TM9SF3: variants seen among roughly 807,000 people sequenced by gnomAD.
TM9SF3 encodes the protein SM-11044-binding protein.
Under a neutral mutation model 78.6 loss-of-function variants are expected in TM9SF3, and 14 were observed. That is an observed-to-expected ratio of 0.18 (90% CI 0.12 to 0.28). TM9SF3 has a LOEUF of 0.28. Ranked by LOEUF, TM9SF3 falls within the 10% of genes least tolerant of loss-of-function variation. TM9SF3 has a pLI of 1.00. For synonymous variants in TM9SF3, 231 were observed against 241.7 expected (o/e 0.96, Z 0.41); for missense variants, 496 against 721.9 (o/e 0.69, Z 3.59).
At chr10:96,545,935 C>G (rs1427482171) in intron 8 of TM9SF3, among the ~76,000 whole-genome samples, 1 of 152,138 alleles carries the variant, frequency 6.6e-6, no homozygotes, top group Non-Finnish European at 1.5e-5. Flanking sequence ...CCTTATCCAA[C>G]TCTCTATTTC....
In TM9SF3 at chr10:96,553,020, T is replaced by C; in HGVS notation, c.700A>G (p.Ile234Val). Residue 234 changes from isoleucine to valine, a missense_variant, in exon 6 of 15, where the codon ATC (isoleucine) becomes GTC (valine). Around this residue, in one of 4 missense-constraint regions of TM9SF3, gnomAD observed 3 missense variants for 24.8 expected, o/e 0.12. Coordinates refer to ENST00000371142, the MANE Select transcript of TM9SF3 (RefSeq NM_020123.4). ...ATTGAAACTAAGCCCACCAAGAAGA[T>C]CACCATCATGAAGGAGTTGAAAATT... is the stretch of plus-strand genomic sequence containing the variant. ...FSIFNSFMMV[I>V]FLVGLVSMIL... is the part of the protein sequence containing the mutation. 6.2e-7 allele frequency: 1 copy of C among 1,604,634 alleles called. No individual in the cohort carries two copies. Among genetic ancestry groups the C allele is most frequent in the Non-Finnish European group, 8.5e-7 (1 of 1,177,236 alleles).
At position 96,561,999 on chromosome 10, in the gene TM9SF3, A is replaced by G. The variant is rs777916220; in HGVS notation, c.561T>C (p.Thr187=). ...TTACTGAATATGACATCTGGATTTTAGTATTTGGAACCAGTTTCACCTTTC... is the reference window on the plus strand; with the variant it reads ...TTACTGAATATGACATCTGGATTTTGGTATTTGGAACCAGTTTCACCTTTC... ...SEGKVKLVPN[T]KIQMSYSVKW... The change falls in exon 4 of 15, where the codon ACT becomes ACC. Residue 187 remains threonine (T), a synonymous_variant. Coordinates refer to ENST00000371142, the MANE Select transcript of TM9SF3 (RefSeq NM_020123.4). 1.9e-6 allele frequency: 3 copies of G among 1,611,508 alleles called. No homozygotes were observed. In the African/African-American group the frequency reaches 4.0e-5, roughly 22 times the overall value.
chr10:96,559,807 G>T, intron 4 of TM9SF3, 71 bp from the exon 5 acceptor site: 1 of 839,198 alleles, frequency 1.2e-6, no homozygotes, highest in Non-Finnish European at 1.8e-6. Flanking sequence ...AAAACTCTGA[G>T]CAAAATATAG....
intron 2 of TM9SF3, among the ~76,000 whole-genome samples, chr10:96,569,388 C>A (rs979160517): frequency 6.6e-5 from 10 of 152,102 alleles, no homozygotes; most frequent in Non-Finnish European, 1.0e-4. Flanking sequence ...CCAGAGCCTA[C>A]CATCGTGCTG....
Position 96,575,071 on chromosome 10 carries a change from A to T in TM9SF3, c.298+1563T>A, listed in dbSNP as rs546573416. ...CAAGTACCCCAGATCTTAAAGTATTAAAAAAAAAAAAGATTGCTGAATTAA... is the reference window on the plus strand; with the variant it reads ...CAAGTACCCCAGATCTTAAAGTATTTAAAAAAAAAAAGATTGCTGAATTAA... On this transcript the variant is annotated intron_variant, in intron 2 of 14. Coordinates refer to ENST00000371142, the MANE Select transcript of TM9SF3 (RefSeq NM_020123.4). Among the ~76,000 whole-genome samples, 42 of 138,678 alleles carry T rather than the reference A, an allele frequency of 3.0e-4. No homozygotes were observed. In the South Asian group the frequency reaches 8.7e-3, roughly 29 times the overall value. The allele number at this position is 138,678 out of a possible 152,430, so 91.0% of individuals were successfully genotyped here.
rs1847738135 is a variant in TM9SF3 at position 96,519,542 on chromosome 10, G to A, written c.*2721C>T. On this transcript the variant is annotated 3_prime_UTR_variant, in exon 15 of 15. Coordinates refer to ENST00000371142, the MANE Select transcript of TM9SF3 (RefSeq NM_020123.4). ...CTACTAATGTAGTTAAATTTCAGGA[G>A]AAGCATGCTTAAAGATACACAAGGA... 1 of 151,940 alleles carries A rather than the reference G, an allele frequency of 6.6e-6. No individual in the cohort carries two copies. The highest frequency in any genetic ancestry group is 1.5e-5 in the Non-Finnish European group (1 of 67,834). The allele number at this position is 151,940 out of a possible 1,614,324, so 9.4% of individuals were successfully genotyped here.
chr10:96,528,879 GACCTC>G (rs1368033299), intron 11 of TM9SF3, among the ~76,000 whole-genome samples: 1 of 152,074 alleles, frequency 6.6e-6, no homozygotes, highest in African/African-American at 2.4e-5. Flanking sequence ...ATGGTGTTGG[GACCTC>G]ACCTCAATTA....
chr10:96,530,726 A>G (rs1847885052), intron 10 of TM9SF3, 118 bp from the exon 11 acceptor site: 2 of 930,928 alleles, frequency 2.1e-6, no homozygotes, highest in African/African-American at 3.4e-5. Context: ...ATAGAAACAA[A>G]CCAGTAAAAT....
At position 96,576,690 on chromosome 10, in the gene TM9SF3, C is replaced by T; in HGVS notation, c.242G>A (p.Gly81Glu). The change falls in exon 2 of 15, where the codon GGA becomes GAA. Residue 81 changes from glycine (G) to glutamate (E), a missense_variant. By Grantham distance (98) the Gly-to-Glu change is moderately conservative. Around this residue, in one of 4 missense-constraint regions of TM9SF3, gnomAD observed 155 missense variants for 241.6 expected, o/e 0.64. Transcript: ENST00000371142. ...KSISHYHETL[G>E]EALQGVELEF... ...CAATTCAACCCCTTGAAGTGCTTCT[C>T]CCAGAGTTTCATGGTAATGACTGAT... is the stretch of plus-strand genomic sequence containing the variant. 1 of 1,609,824 alleles carries T rather than the reference C, an allele frequency of 6.2e-7. No individual in the cohort carries two copies. The highest frequency in any genetic ancestry group is 8.5e-7 in the Non-Finnish European group (1 of 1,178,510).
intron 8 of TM9SF3, among the ~76,000 whole-genome samples, chr10:96,544,825 CA>C (rs946344748): frequency 5.5e-5 from 8 of 144,434 alleles, no homozygotes; most frequent in East Asian, 2.0e-4. Flanking sequence ...TAAGACAGGG[CA>C]AAAAAAAAAT....
chr10:96,541,074 A>C (rs1411915048), intron 9 of TM9SF3, among the ~76,000 whole-genome samples: 1 of 151,654 alleles, frequency 6.6e-6, no homozygotes, highest in Non-Finnish European at 1.5e-5. Flanking sequence ...AGTTTTACAA[A>C]TCTTTCAAGA....
intron 2 of TM9SF3, among the ~76,000 whole-genome samples, chr10:96,570,610 C>A (rs992828926): frequency 9.9e-5 from 15 of 152,170 alleles, no homozygotes; most frequent in African/African-American, 3.6e-4. Context: ...ACCAAGTTCC[C>A]AGACTTCCAC....
chr10:96,574,460 T>C (rs1044882383), intron 2 of TM9SF3, among the ~76,000 whole-genome samples: 1 of 152,218 alleles, frequency 6.6e-6, no homozygotes, highest in Non-Finnish European at 1.5e-5. Flanking sequence ...CAGGAATGCT[T>C]TTACACTGTT....
intron 2 of TM9SF3, among the ~76,000 whole-genome samples, chr10:96,571,350 TGTA>T (rs768675302): frequency 1.6e-4 from 24 of 152,300 alleles, no homozygotes; most frequent in Admixed American, 3.3e-4. Flanking sequence ...AACTTATCCC[TGTA>T]GTAGACCAGT....
rs1157994187 is a variant in TM9SF3, at chr10:96,518,567, T to C, written c.*3696A>G. On this transcript the variant is annotated 3_prime_UTR_variant, in exon 15 of 15. Transcript: ENST00000371142. ...AACAGACTTCACAAGTTTATTTCCA[T>C]TCCTAACAGTGGAATAATAACTTAA... The C allele has an allele frequency of 6.6e-6, 1 of 152,192 alleles. No individual in the cohort carries two copies. Among genetic ancestry groups the C allele is most frequent in the African/African-American group, 2.4e-5 (1 of 41,460 alleles). The allele number at this position is 152,192 out of a possible 1,614,324, so 9.4% of individuals were successfully genotyped here. A position where few individuals can be genotyped will look rare whatever the true frequency, so the allele number is the denominator to read the frequency against.
rs1847883874 is a variant in TM9SF3, at chr10:96,530,601, C to T, written c.1333G>A (p.Glu445Lys). 6.2e-7 allele frequency: 1 copy of T among 1,610,264 alleles called. No individual in the cohort carries two copies. Among genetic ancestry groups the T allele is most frequent in the South Asian group, 1.1e-5 (1 of 90,152 alleles). Residue 445 changes from glutamate (E) to lysine (K), a missense_variant, in exon 11 of 15, where the codon GAG becomes AAG. Physicochemically the swap from Glu to Lys is moderately conservative, Grantham distance 56. Around this residue, in one of 4 missense-constraint regions of TM9SF3, gnomAD observed 280 missense variants for 422.6 expected, o/e 0.66. Coordinates refer to ENST00000371142, the MANE Select transcript of TM9SF3 (RefSeq NM_020123.4). ...RPIPEKKWFMEPAVIVCLGGI... is the reference protein window; with the variant it reads ...RPIPEKKWFMKPAVIVCLGGI... ...CCCAGGCAAACAATAACCGCAGGCT[C>T]CATGAACCTGGAAAATATTAAAATT...
Position 96,527,451 on chromosome 10 carries a change from A to C in TM9SF3, c.1587T>G (p.Val529=). The C allele has an allele frequency of 6.2e-7, 1 of 1,611,350 alleles. No homozygotes were observed. The change falls in exon 13 of 15, where the codon GTT becomes GTG. Residue 529 remains valine, a synonymous_variant. Transcript: ENST00000371142. ...FLSAASTAIY[V]YMYSFYYYFF... ...AATAGTAGTAAAAGGAATACATGTA[A>C]ACATAGATTGCAGTTGATGCAGCAG...
intron 6 of TM9SF3, among the ~76,000 whole-genome samples, chr10:96,552,626 C>T (rs1359998159): frequency 1.3e-5 from 2 of 152,082 alleles, no homozygotes; most frequent in Non-Finnish European, 2.9e-5. Context: ...CAGTATTTAA[C>T]AGTATTAGAC....
At chr10:96,530,998 T>C (rs1010296094) in intron 10 of TM9SF3, among the ~76,000 whole-genome samples, 1 of 143,058 alleles carries the variant, frequency 7.0e-6, no homozygotes, top group Non-Finnish European at 1.5e-5. Context: ...CCATTTGAAA[T>C]AATGTTTCCC....
Sources: allele counts gnomAD v4.1 joint callset (sites outside exome capture counted in the v4.1 genomes callset), GRCh38; gene constraint gnomAD v4.1.1; regional missense constraint gnomAD v4.1.1; transcripts MANE v1.5; gene names NCBI Gene and HGNC (gene_info 2026-07-23, HGNC 2026-07-21).